The following AZIN1 variants were observed in gnomAD, a reference collection of about 807,000 sequenced individuals.
The protein encoded by AZIN1 is ornithine decarboxylase antizyme inhibitor.
A neutral mutation model predicts 47.4 loss-of-function variants in AZIN1; 12 were observed. The ratio of observed to expected loss-of-function variants is 0.25; its 90% CI spans 0.16 to 0.41. The LOEUF is 0.41. AZIN1 is among the 10% of genes least tolerant of loss of function. AZIN1 has a pLI of 1.00. For synonymous variants in AZIN1, 155 were observed against 176.3 expected, an observed-to-expected ratio of 0.88 and a Z score of 0.96; for missense variants, 410 against 532.4, an observed-to-expected ratio of 0.77 and a Z score of 2.26.
At position 102,827,354 on chromosome 8, in the gene AZIN1, AAAG is replaced by A. The variant is rs1811171480; in HGVS notation, c.*1210_*1212del. On this transcript the variant is annotated 3_prime_UTR_variant, in exon 12 of 12. Transcript: ENST00000337198. ...CAACCACCATAAAATTTTAGTAAGA[AAAG>A]AATTAAAAGTAATGACTAAGCAGAA... 6.6e-6 allele frequency: 1 copy of A among 152,214 alleles called. No individual in the cohort carries two copies. The highest frequency in any genetic ancestry group is 2.4e-5 in the African/African-American group (1 of 41,460). The allele number at this position is 152,214 out of a possible 1,614,324, so 9.4% of individuals were successfully genotyped here.
At position 102,828,678 on chromosome 8, in the gene AZIN1, C is replaced by T; in HGVS notation, c.1236G>A (p.Trp412Ter). The T allele has an allele frequency of 6.3e-7, 1 of 1,591,494 alleles. No individual in the cohort carries two copies. The highest frequency in any genetic ancestry group is 8.6e-7 in the Non-Finnish European group (1 of 1,163,856). The change falls in exon 12 of 12, where the codon TGG becomes TGA. Residue 412 changes from tryptophan (W) to a stop codon, truncating the protein, a stop_gained and splice_region_variant. Coordinates refer to ENST00000337198, the MANE Select transcript of AZIN1 (RefSeq NM_148174.4). LOFTEE classifies it high-confidence loss of function. ...TAATTCCAGCATCTTGCATCTCATA[C>T]CTACGTAGAAAAAAAATCAGCTAAA... ...AIYYMMSFSD[W>*]YEMQDAGITS...
chr8:102,835,644 C>G (rs953137347), intron 6 of AZIN1, among the ~76,000 whole-genome samples: 1 of 152,088 alleles, frequency 6.6e-6, no homozygotes, highest in African/African-American at 2.4e-5. Context: ...GAGATACTAT[C>G]TCAAAAAATA....
chr8:102,836,126 ATG>A (rs1811808132), intron 6 of AZIN1, 128 bp downstream of exon 6: 3 of 978,700 alleles, frequency 3.1e-6, no homozygotes, highest in East Asian at 4.9e-5. Context: ...AAACACATAC[ATG>A]TGTGTTAAAA....
At position 102,833,498 on chromosome 8, in the gene AZIN1, C is replaced by T. The variant is rs557543942; in HGVS notation, c.742-280G>A. On this transcript the variant is annotated intron_variant, in intron 8 of 11. Coordinates refer to ENST00000337198, the MANE Select transcript of AZIN1 (RefSeq NM_148174.4). ...TTTTTTTTTAAGTCATTTTTCTATACTTGATCACTAAAAACAGAAGTAAAA... is the reference window on the plus strand; with the variant it reads ...TTTTTTTTTAAGTCATTTTTCTATATTTGATCACTAAAAACAGAAGTAAAA... Among the ~76,000 whole-genome samples the T allele has an allele frequency of 7.3e-5, 11 of 150,044 alleles. 1 individual carries two copies. The South Asian group carries it at 2.3e-3, about 31-fold the overall frequency.
chr8:102,854,368 G>C (rs971018696), intron 2 of AZIN1: 2 of 151,848 alleles, frequency 1.3e-5, no homozygotes, highest in African/African-American at 4.8e-5. Flanking sequence ...TGGGAGGCAA[G>C]GGGGGCGGAT....
At chr8:102,856,707 G>C (rs1269018663) in intron 2 of AZIN1, among the ~76,000 whole-genome samples, 1 of 152,108 alleles carries the variant, frequency 6.6e-6, no homozygotes, top group Non-Finnish European at 1.5e-5. Context: ...CACCCAAAAA[G>C]GTTTTATATC....
intron 3 of AZIN1, among the ~76,000 whole-genome samples, chr8:102,841,682 T>C (rs927860816): frequency 1.3e-5 from 2 of 151,782 alleles, no homozygotes; most frequent in Non-Finnish European, 2.9e-5. Context: ...AGGAGAAAAT[T>C]TTGGATATTC....
rs929319722 is a variant in AZIN1, at chr8:102,861,000, T to C, written c.-234+2807A>G. Among the ~76,000 whole-genome samples, 4 of 147,534 alleles carry C rather than the reference T, an allele frequency of 2.7e-5. No individual in the cohort carries two copies. The Admixed American group carries it at 2.8e-4, about 10-fold the overall frequency. ...GAAGACATGACAACTAAATACAATG[T>C]GGTAACTTGGATTCTGGAACAGAAA... On this transcript the variant is annotated intron_variant, in intron 1 of 11. Coordinates refer to ENST00000337198, the MANE Select transcript of AZIN1 (RefSeq NM_148174.4).
At chr8:102,853,822 C>T (rs1295792167) in intron 2 of AZIN1, among the ~76,000 whole-genome samples, 1 of 148,848 alleles carries the variant, frequency 6.7e-6, no homozygotes, top group Non-Finnish European at 1.5e-5. Flanking sequence ...GCTCATATCA[C>T]AGTATCCTTA....
At chr8:102,833,942 T>C (rs1406746258) in intron 8 of AZIN1, among the ~76,000 whole-genome samples, 2 of 151,578 alleles carry the variant, frequency 1.3e-5, no homozygotes, top group African/African-American at 4.8e-5. Flanking sequence ...ATTAAATCAT[T>C]TGTGCCATTA....
At chr8:102,832,280 T>C (rs1483651354) in intron 9 of AZIN1, among the ~76,000 whole-genome samples, 2 of 151,740 alleles carry the variant, frequency 1.3e-5, no homozygotes, top group Non-Finnish European at 2.9e-5. Context: ...ATTGGGGAAA[T>C]GGACAACTTT....
chr8:102,834,561 G>A (rs750134170), intron 7 of AZIN1, 105 bp downstream of exon 7: 235 of 836,108 alleles, frequency 2.8e-4, no homozygotes, highest in South Asian at 1.4e-3. Flanking sequence ...TGTGTGTCAC[G>A]TTGAATGTAG....
At chr8:102,862,088 G>C (rs545837336) in intron 1 of AZIN1, among the ~76,000 whole-genome samples, 2 of 151,826 alleles carry the variant, frequency 1.3e-5, no homozygotes, top group East Asian at 3.9e-4. Flanking sequence ...CGATTTGAAA[G>C]GACAAGAAAA....
At chr8:102,834,617 C>A in intron 7 of AZIN1, 49 bp downstream of exon 7, 2 of 1,422,610 alleles carry the variant, frequency 1.4e-6, no homozygotes, top group South Asian at 2.4e-5. Flanking sequence ...TTTAACTTAA[C>A]ATCCTGGCTA....
At position 102,828,585 on chromosome 8, in the gene AZIN1, G is replaced by T. The variant is rs138624614; in HGVS notation, c.1329C>A (p.Ser443Arg). 1.0e-3 allele frequency: 1,641 copies of T among 1,608,012 alleles called. 2 individuals are homozygous for T. Among genetic ancestry groups the T allele is most frequent in the Non-Finnish European group, 1.3e-3 (1,544 of 1,175,352 alleles). The change falls in exon 12 of 12, where the codon AGC (serine) becomes AGA (arginine). Residue 443 changes from serine (S) to arginine (R), a missense_variant. Ser to Arg is a moderately radical substitution (Grantham distance 110). Around this residue, in one of 3 missense-constraint regions of AZIN1, gnomAD observed 168 missense variants for 198.3 expected, o/e 0.85. Transcript: ENST00000337198. ...TGCCTGTTTAAGCTTCAGCGGAAAA[G>T]CTGTCTTCTTGGCTCAGCTGAATGC... is the stretch of plus-strand genomic sequence containing the variant. Reference protein sequence around the residue: ...PSCIQLSQEDSFSAEA With the variant: ...PSCIQLSQEDRFSAEA
At chr8:102,845,651 T>C (rs921571657) in intron 2 of AZIN1, among the ~76,000 whole-genome samples, 2 of 152,152 alleles carry the variant, frequency 1.3e-5, no homozygotes, top group Admixed American at 1.3e-4. Context: ...AAAATAAAGG[T>C]CACTCATTTA....
intron 9 of AZIN1, 24 bp downstream of exon 9, chr8:102,833,031 TA>T: frequency 6.4e-7 from 1 of 1,566,756 alleles, no homozygotes. Context: ...CCAACAAAAA[TA>T]AAACTATAAA....
intron 9 of AZIN1, among the ~76,000 whole-genome samples, chr8:102,832,046 A>G (rs1162349666): frequency 3.3e-5 from 5 of 152,220 alleles, no homozygotes; most frequent in Non-Finnish European, 5.9e-5. Context: ...AGTGGACTTC[A>G]TGCCCCAAAT....
At chr8:102,863,236 G>C (rs1476346537) in intron 1 of AZIN1, among the ~76,000 whole-genome samples, 1 of 152,090 alleles carries the variant, frequency 6.6e-6, no homozygotes, top group South Asian at 2.1e-4. Context: ...CGCCCCCCAG[G>C]AATCCGACTT....
Sources: gnomAD v4.1 joint callset for allele counts (sites outside exome capture counted in the v4.1 genomes callset) on GRCh38, gnomAD v4.1.1 for gene constraint, gnomAD v4.1.1 regional missense constraint, MANE v1.5 for transcripts, NCBI Gene and HGNC (gene_info 2026-07-23, HGNC 2026-07-21) for gene names.